Variants in MYO10 observed in about 807,000 individuals in gnomAD.
MYO10 encodes the protein unconventional myosin-X.
In MYO10, 133 loss-of-function variants were observed where a neutral mutation model predicts 257.3. The observed-to-expected ratio is 0.52, with a 90% confidence interval of 0.45 to 0.60. The LOEUF (loss-of-function observed/expected upper bound fraction) is 0.60, where lower values mean the gene tolerates loss of function less well. Among genes scored for constraint, MYO10 ranks in the 20% least tolerant of loss-of-function variants. The pLI is 0.00. For synonymous variants in MYO10, 1,104 were observed against 1,028.6 expected, an observed-to-expected ratio of 1.07 and a Z score of -1.40; for missense variants, 2,399 against 2,635.7, an observed-to-expected ratio of 0.91 and a Z score of 1.97.
chr5:16,771,955 T>A (rs1741063917), intron 9 of MYO10, among the ~76,000 whole-genome samples: 1 of 151,010 alleles, frequency 6.6e-6, no homozygotes, highest in Non-Finnish European at 1.5e-5. Flanking sequence ...GAAATCTATA[T>A]AATCTCCAAT....
intron 2 of MYO10, among the ~76,000 whole-genome samples, chr5:16,846,041 A>G (rs1343262165): frequency 6.6e-6 from 1 of 152,126 alleles, no homozygotes; most frequent in Non-Finnish European, 1.5e-5. Flanking sequence ...GGACAACTCT[A>G]TGTTGGTCTC....
At chr5:16,835,584 C>T (rs1743290265) in intron 2 of MYO10, among the ~76,000 whole-genome samples, 1 of 131,720 alleles carries the variant, frequency 7.6e-6, no homozygotes, top group African/African-American at 2.8e-5. Context: ...ACTAGGAGAA[C>T]TCACAACATC....
At chr5:16,724,567 AT>A (rs35045821) in intron 19 of MYO10, among the ~76,000 whole-genome samples, 10,522 of 150,542 alleles carry the variant, frequency 0.07, 1,023 homozygotes, top group African/African-American at 0.22. Flanking sequence ...ATACCCAGTT[AT>A]TTTTTTTTAA....
intron 1 of MYO10, chr5:16,902,664 A>G: frequency 1.7e-6 from 2 of 1,162,656 alleles, no homozygotes; most frequent in Admixed American, 1.7e-5. Context: ...GACCGGAGAG[A>G]GGCCCGGCTA....
intron 28 of MYO10, among the ~76,000 whole-genome samples, chr5:16,689,576 G>A (rs902217107): frequency 1.3e-5 from 2 of 151,892 alleles, no homozygotes; most frequent in African/African-American, 4.8e-5. Context: ...AGAGACAGGT[G>A]ACAATGGATC....
chr5:16,731,334 C>T (rs921702600), intron 19 of MYO10, among the ~76,000 whole-genome samples: 19 of 151,234 alleles, frequency 1.3e-4, no homozygotes, highest in East Asian at 2.0e-4. Flanking sequence ...TGAGCCACCA[C>T]GCCCAGTTTT....
At chr5:16,672,522 G>A (rs905388454) in intron 37 of MYO10, among the ~76,000 whole-genome samples, 167 bp downstream of exon 37, 1 of 152,094 alleles carries the variant, frequency 6.6e-6, no homozygotes, top group Non-Finnish European at 1.5e-5. Flanking sequence ...TCTAGGAATC[G>A]AGAAAAATAG....
chr5:16,823,816 G>A (rs1742916633), intron 2 of MYO10, among the ~76,000 whole-genome samples: 1 of 151,998 alleles, frequency 6.6e-6, no homozygotes, highest in African/African-American at 2.4e-5. Flanking sequence ...AACTTTTCCT[G>A]AAGGAAACAA....
intron 39 of MYO10, among the ~76,000 whole-genome samples, chr5:16,668,685 C>T (rs1736293515): frequency 6.6e-6 from 1 of 152,216 alleles, no homozygotes; most frequent in African/African-American, 2.4e-5. Context: ...GGGAAAACCT[C>T]ACTAACTGGC....
chr5:16,817,678 C>T (rs943967945), intron 3 of MYO10, among the ~76,000 whole-genome samples: 1 of 152,170 alleles, frequency 6.6e-6, no homozygotes, highest in Non-Finnish European at 1.5e-5. Context: ...CATTTTCCCT[C>T]GGTCAGTCTA....
rs1359170055 is a variant in MYO10, at chr5:16,701,394, C to T, written c.3001G>A (p.Asp1001Asn). ...EEVDEGFEAD[D>N]DAFKDSPNPS... ...TTGGGGGAGTCCTTGAAGGCGTCGTCGTCGGCTTCGAAGCCCTCATCGACC... is the reference window on the plus strand; with the variant it reads ...TTGGGGGAGTCCTTGAAGGCGTCGTTGTCGGCTTCGAAGCCCTCATCGACC... Residue 1001 changes from aspartate to asparagine, a missense_variant, in exon 25 of 41, where the codon GAC becomes AAC. By Grantham distance (23) the Asp-to-Asn change is conservative. Coordinates refer to ENST00000513610, the MANE Select transcript of MYO10 (RefSeq NM_012334.3). The surrounding 1 kb of genome is among the most constrained non-coding windows in gnomAD (Gnocchi z 8.1). 8 of 1,613,872 alleles carry T rather than the reference C, an allele frequency of 5.0e-6. No individual in the cohort carries two copies. Among genetic ancestry groups the T allele is most frequent in the Non-Finnish European group, 6.8e-6 (8 of 1,179,898 alleles).
chr5:16,895,911 G>A (rs1414149505), intron 1 of MYO10, among the ~76,000 whole-genome samples: 8 of 152,146 alleles, frequency 5.3e-5, no homozygotes, highest in South Asian at 2.1e-4. Context: ...GGGCCCTGCC[G>A]CACAGCAGGG....
intron 1 of MYO10, among the ~76,000 whole-genome samples, chr5:16,897,727 CG>C (rs1745255486): frequency 6.6e-6 from 1 of 152,180 alleles, no homozygotes; most frequent in Admixed American, 6.5e-5. Context: ...GCTCTCCCTG[CG>C]GGTGTGCCGT....
intron 19 of MYO10, among the ~76,000 whole-genome samples, chr5:16,715,749 T>TA (rs965230999): frequency 1.3e-5 from 2 of 152,050 alleles, no homozygotes; most frequent in African/African-American, 2.4e-5. Flanking sequence ...AAAAAGCTGT[T>TA]AAAAAAATTT....
chr5:16,794,840 G>A lies in MYO10; in HGVS notation c.280-7C>T. ...GGATGGAGCCGATGTAGGTCTGCAAGCACAGAGTGAGACAGGGATGCGTCA... is the reference window on the plus strand; with the variant it reads ...GGATGGAGCCGATGTAGGTCTGCAAACACAGAGTGAGACAGGGATGCGTCA... On this transcript the variant is annotated splice_polypyrimidine_tract_variant and splice_region_variant and intron_variant, in intron 3 of 40. Coordinates refer to ENST00000513610, the MANE Select transcript of MYO10 (RefSeq NM_012334.3). The A allele has an allele frequency of 3.3e-6, 5 of 1,494,456 alleles. No individual in the cohort carries two copies. The highest frequency in any genetic ancestry group is 5.1e-5 in the East Asian group (2 of 39,534). 92.6% of individuals were successfully genotyped at this position (1,494,456 alleles called of 1,614,324 possible).
chr5:16,741,109 C>A (rs1172258080), intron 19 of MYO10, among the ~76,000 whole-genome samples: 3 of 152,196 alleles, frequency 2.0e-5, no homozygotes, highest in Non-Finnish European at 2.9e-5. Context: ...CACCATTCCT[C>A]CATCGGGGGG....
intron 2 of MYO10, among the ~76,000 whole-genome samples, chr5:16,865,878 G>A (rs1180478860): frequency 1.3e-5 from 2 of 151,610 alleles, no homozygotes; most frequent in Non-Finnish European, 2.9e-5. Flanking sequence ...TAACAGGCTC[G>A]GAGTTTTTGT....
chr5:16,706,455 T>C (rs923911149), intron 21 of MYO10, among the ~76,000 whole-genome samples: 1 of 152,190 alleles, frequency 6.6e-6, no homozygotes. Flanking sequence ...GACTGGACTT[T>C]TAAGGAAGCA....
At chr5:16,886,909 G>T (rs114927675) in intron 1 of MYO10, among the ~76,000 whole-genome samples, 2,580 of 148,706 alleles carry the variant, frequency 0.017, 41 homozygotes, top group Middle Eastern at 0.034. Flanking sequence ...TCCAGCATGG[G>T]TGCCAGAGCG....
Sources: gnomAD v4.1 joint callset for allele counts (sites outside exome capture counted in the v4.1 genomes callset) on GRCh38, gnomAD v4.1.1 for gene constraint, Gnocchi (gnomAD v3.1) non-coding constraint, MANE v1.5 for transcripts, NCBI Gene and HGNC (gene_info 2026-07-23, HGNC 2026-07-21) for gene names.